TMEM163: variants seen among roughly 807,000 people sequenced by gnomAD.
TMEM163 encodes the protein transmembrane protein 163.
In TMEM163, 17 loss-of-function variants were observed where a neutral mutation model predicts 29.3. That is an observed-to-expected ratio of 0.58 (90% CI 0.40 to 0.87). TMEM163 has a LOEUF of 0.87. Ranked by LOEUF, TMEM163 falls within the 40% of genes least tolerant of loss-of-function variation. The pLI, the probability that TMEM163 is intolerant of heterozygous loss-of-function variation, is 0.00. For synonymous variants in TMEM163, 157 were observed against 160.6 expected (o/e 0.98, Z 0.17); for missense variants, 303 against 381.5 (o/e 0.79, Z 1.71).
chr2:134,456,812 G>A, intron 7 of TMEM163, 36 bp from the exon 8 acceptor site: 1 of 1,607,926 alleles, frequency 6.2e-7, no homozygotes. Flanking sequence ...CACCTCCATG[G>A]CATGGGGCTG....
At chr2:134,458,327 A>G (rs888370746) in intron 6 of TMEM163, 154 bp from the exon 7 acceptor site, 2 of 816,332 alleles carry the variant, frequency 2.4e-6, no homozygotes, top group African/African-American at 3.4e-5. Context: ...GGGCCCATCA[A>G]GTCTCTGCTC....
At chr2:134,512,466 T>C (rs1391419231) in intron 4 of TMEM163, among the ~76,000 whole-genome samples, 1 of 152,018 alleles carries the variant, frequency 6.6e-6, no homozygotes, top group African/African-American at 2.4e-5. Flanking sequence ...CTCAAAAAAA[T>C]ACATATTCCT....
At chr2:134,690,529 G>A (rs548354053) in intron 2 of TMEM163, among the ~76,000 whole-genome samples, 70 of 152,044 alleles carry the variant, frequency 4.6e-4, no homozygotes, top group African/African-American at 1.4e-3. Context: ...CAAGTGATCC[G>A]CCAGCCTCAG....
chr2:134,512,377 C>T (rs533437654), intron 4 of TMEM163, among the ~76,000 whole-genome samples: 1 of 152,086 alleles, frequency 6.6e-6, no homozygotes, highest in Non-Finnish European at 1.5e-5. Context: ...GAGAATCGCT[C>T]GAGCCTGGGA....
rs575511686 is a variant in TMEM163 at position 134,708,349 on chromosome 2, G to A, written c.322+4851C>T. Among the ~76,000 whole-genome samples, 9 of 152,212 alleles carry A rather than the reference G, an allele frequency of 5.9e-5. No homozygotes were observed. In the East Asian group the frequency reaches 1.5e-3, roughly 26 times the overall value. ...TTTTTGCTGAGTTTACAGAAGAATC[G>A]TGCAATTTCATTTTATCCATCTCTC... On this transcript the variant is annotated intron_variant, in intron 2 of 7. Coordinates refer to ENST00000281924, the MANE Select transcript of TMEM163 (RefSeq NM_030923.5).
chr2:134,504,186 C>G (rs1346250499), intron 4 of TMEM163, among the ~76,000 whole-genome samples: 3 of 152,148 alleles, frequency 2.0e-5, no homozygotes, highest in Non-Finnish European at 4.4e-5. Context: ...TGTGAACAGA[C>G]CCCATCCTCC....
At chr2:134,492,530 C>T (rs1679452872) in intron 5 of TMEM163, among the ~76,000 whole-genome samples, 1 of 152,226 alleles carries the variant, frequency 6.6e-6, no homozygotes, top group South Asian at 2.1e-4. Context: ...CCTCTAGCCT[C>T]AGGCAACCAC....
intron 4 of TMEM163, among the ~76,000 whole-genome samples, chr2:134,540,980 A>C (rs958716757): frequency 1.3e-5 from 2 of 152,232 alleles, no homozygotes; most frequent in African/African-American, 2.4e-5. Context: ...AAGGCTTGTG[A>C]GGGAGATGGA....
At chr2:134,545,367 TAAA>T (rs1174212359) in intron 4 of TMEM163, among the ~76,000 whole-genome samples, 1 of 152,168 alleles carries the variant, frequency 6.6e-6, no homozygotes, top group African/African-American at 2.4e-5. Flanking sequence ...CTTGCCCTAA[TAAA>T]AATGTAGCTG....
chr2:134,490,357 G>C (rs1172681528), intron 5 of TMEM163, among the ~76,000 whole-genome samples: 1 of 152,116 alleles, frequency 6.6e-6, no homozygotes, highest in Non-Finnish European at 1.5e-5. Context: ...TCTGAATACA[G>C]CCTCCCTCTT....
chr2:134,462,590 TC>T (rs1331026288), intron 6 of TMEM163, among the ~76,000 whole-genome samples: 3 of 152,278 alleles, frequency 2.0e-5, no homozygotes, highest in Admixed American at 1.3e-4. Flanking sequence ...TGTAATGACC[TC>T]CTCCCTGGTT....
At chr2:134,650,443 TATC>T (rs1428269722) in intron 2 of TMEM163, among the ~76,000 whole-genome samples, 1 of 151,812 alleles carries the variant, frequency 6.6e-6, no homozygotes, top group Admixed American at 6.6e-5. Context: ...TATAGAATCA[TATC>T]ATCAATGAAG....
At chr2:134,690,290 AT>A (rs34853089) in intron 2 of TMEM163, among the ~76,000 whole-genome samples, 103 of 142,858 alleles carry the variant, frequency 7.2e-4, no homozygotes, top group African/African-American at 1.2e-3. Flanking sequence ...TACATCAGCA[AT>A]TTTTTTTTTT....
chr2:134,641,267 G>T (rs1432184395), intron 2 of TMEM163, among the ~76,000 whole-genome samples: 1 of 151,902 alleles, frequency 6.6e-6, no homozygotes, highest in Non-Finnish European at 1.5e-5. Context: ...AGTGGTGGTG[G>T]AATAACTGAA....
chr2:134,625,716 C>CA (rs1682834531), intron 2 of TMEM163, among the ~76,000 whole-genome samples: 1 of 152,152 alleles, frequency 6.6e-6, no homozygotes, highest in African/African-American at 2.4e-5. Context: ...TGAATAGTGA[C>CA]ATAAAAGGTA....
intron 5 of TMEM163, among the ~76,000 whole-genome samples, chr2:134,493,927 A>C (rs1324949292): frequency 1.3e-5 from 2 of 152,170 alleles, no homozygotes; most frequent in Non-Finnish European, 2.9e-5. Flanking sequence ...ACTTGACTAG[A>C]TATGTGCAGG....
chr2:134,493,014 G>T (rs542659522), intron 5 of TMEM163, among the ~76,000 whole-genome samples: 4 of 152,240 alleles, frequency 2.6e-5, no homozygotes, highest in East Asian at 3.9e-4. Context: ...GTTTTGGGGG[G>T]TTTTCATTTG....
chr2:134,505,694 AG>A (rs751690399), intron 4 of TMEM163, among the ~76,000 whole-genome samples: 1 of 152,204 alleles, frequency 6.6e-6, no homozygotes, highest in Non-Finnish European at 1.5e-5. Flanking sequence ...TCTTTCTGAC[AG>A]GGAACAGTGG....
intron 5 of TMEM163, among the ~76,000 whole-genome samples, chr2:134,478,679 T>C (rs1840413): frequency 0.22 from 34,166 of 152,040 alleles, 7,799 homozygotes; most frequent in African/African-American, 0.56. Context: ...GTGTTAAAAG[T>C]TTGCAAAATT....
Sources: allele counts gnomAD v4.1 joint callset (sites outside exome capture counted in the v4.1 genomes callset), GRCh38; gene constraint gnomAD v4.1.1; transcripts MANE v1.5; gene names NCBI Gene and HGNC (gene_info 2026-07-23, HGNC 2026-07-21).